Variants in TBC1D19 observed in about 807,000 individuals in gnomAD.
TBC1D19 encodes the protein TBC1 domain family member 19.
A neutral mutation model predicts 89.0 loss-of-function variants in TBC1D19; 60 were observed. The ratio of observed to expected loss-of-function variants is 0.67; its 90% CI spans 0.55 to 0.84. TBC1D19 has a LOEUF of 0.84. Ranked by LOEUF, TBC1D19 falls within the 40% of genes least tolerant of loss-of-function variation. The pLI, the probability that TBC1D19 is intolerant of heterozygous loss-of-function variation, is 0.00. For missense variants in TBC1D19, 500 were observed against 610.8 expected (o/e 0.82, Z 1.91); for synonymous variants, 189 against 199.7 (o/e 0.95, Z 0.45).
chr4:26,709,919 G>A (rs944333316), intron 13 of TBC1D19, among the ~76,000 whole-genome samples: 1 of 152,106 alleles, frequency 6.6e-6, no homozygotes, highest in South Asian at 2.1e-4. Flanking sequence ...CAGAGGCTTA[G>A]ATCCCAAGCC....
At chr4:26,787,109 T>G in the TBC1D19 span, among the ~76,000 whole-genome samples, 3 of 151,086 alleles carry the variant, frequency 2.0e-5, no homozygotes, top group African/African-American at 4.9e-5. Context: ...TAGTTTTTTT[T>G]TTTTTTTTTT....
chr4:26,794,678 T>A, the TBC1D19 span, among the ~76,000 whole-genome samples: 10 of 152,344 alleles, frequency 6.6e-5, no homozygotes, highest in African/African-American at 1.9e-4. Context: ...CCAGATGGTG[T>A]CATAGCTGAG....
At chr4:26,760,171 A>G (rs1411115370), downstream of TBC1D19, among the ~76,000 whole-genome samples, 1 of 152,216 alleles carries the variant, frequency 6.6e-6, no homozygotes, top group Non-Finnish European at 1.5e-5. Context: ...GTATTTTCCT[A>G]ATGATATTGA....
the TBC1D19 span, among the ~76,000 whole-genome samples, chr4:26,781,371 A>G: frequency 2.6e-5 from 4 of 152,118 alleles, no homozygotes; most frequent in Admixed American, 6.6e-5. Flanking sequence ...TAGTGATGTG[A>G]CCTTGGATGT....
chr4:26,809,254 T>C, the TBC1D19 span, among the ~76,000 whole-genome samples: 2 of 152,200 alleles, frequency 1.3e-5, no homozygotes, highest in African/African-American at 4.8e-5. Context: ...CTCTGTGCCC[T>C]GCAGACGCTT....
At chr4:26,695,887 C>T (rs565730126) in intron 13 of TBC1D19, among the ~76,000 whole-genome samples, 1 of 152,172 alleles carries the variant, frequency 6.6e-6, no homozygotes, top group African/African-American at 2.4e-5. Context: ...ACAAGCGGTA[C>T]CAGCCACTAT....
At chr4:26,580,242 T>C (rs916890637), upstream of TBC1D19, among the ~76,000 whole-genome samples, 1 of 152,060 alleles carries the variant, frequency 6.6e-6, no homozygotes, top group African/African-American at 2.4e-5. Context: ...GCCATTGTAA[T>C]GAGAGGTGGC....
chr4:26,705,625 T>C (rs1463637726), intron 13 of TBC1D19, among the ~76,000 whole-genome samples: 1 of 152,166 alleles, frequency 6.6e-6, no homozygotes, highest in African/African-American at 2.4e-5. Context: ...AGGTTTTATT[T>C]CTAGTTCTGT....
chr4:26,646,691 C>T (rs201842353), intron 7 of TBC1D19, among the ~76,000 whole-genome samples: 24 of 152,104 alleles, frequency 1.6e-4, no homozygotes, highest in Admixed American at 1.0e-3. Context: ...AGCAAACTAT[C>T]GCAAGAACAG....
At chr4:26,729,712 T>G (rs1346282748) in intron 15 of TBC1D19, among the ~76,000 whole-genome samples, 1 of 152,168 alleles carries the variant, frequency 6.6e-6, no homozygotes, top group East Asian at 1.9e-4. Context: ...GAGGCAGATG[T>G]AGCTCAGGTT....
At chr4:26,851,757 C>T in the TBC1D19 span, among the ~76,000 whole-genome samples, 2 of 152,084 alleles carry the variant, frequency 1.3e-5, no homozygotes, top group South Asian at 4.1e-4. Context: ...CACTCTGTTG[C>T]CCAGGCTGGA....
intron 15 of TBC1D19, among the ~76,000 whole-genome samples, chr4:26,731,332 C>T (rs1259095538): frequency 5.3e-5 from 8 of 151,784 alleles, no homozygotes; most frequent in East Asian, 3.9e-4. Flanking sequence ...GAAGGGGTGG[C>T]GATCAATTTG....
At chr4:26,797,885 A>C in the TBC1D19 span, among the ~76,000 whole-genome samples, 1 of 152,176 alleles carries the variant, frequency 6.6e-6, no homozygotes, top group African/African-American at 2.4e-5. Flanking sequence ...ACCATATATA[A>C]AAATTAACTC....
intron 7 of TBC1D19, among the ~76,000 whole-genome samples, chr4:26,656,530 T>C (rs920671425): frequency 6.6e-6 from 1 of 152,130 alleles, no homozygotes; most frequent in African/African-American, 2.4e-5. Flanking sequence ...CTACATTAAA[T>C]GGTATGTCAG....
At chr4:26,722,727 A>C (rs755144150) in intron 15 of TBC1D19, among the ~76,000 whole-genome samples, 1 of 152,208 alleles carries the variant, frequency 6.6e-6, no homozygotes, top group Non-Finnish European at 1.5e-5. Flanking sequence ...TTATAGCAGC[A>C]GCAGCAAACA....
chr4:26,599,902 C>T (rs1041043965), intron 1 of TBC1D19, among the ~76,000 whole-genome samples: 6 of 136,230 alleles, frequency 4.4e-5, no homozygotes, highest in Non-Finnish European at 7.6e-5. Flanking sequence ...GAGCTGAGAT[C>T]GCGCCACTGC....
Position 26,643,256 on chromosome 4 carries a change from A to G in TBC1D19, c.480+3069A>G, listed in dbSNP as rs146319049. 5.6e-3 allele frequency among the ~76,000 whole-genome samples: 854 copies of G among 152,316 alleles called. 10 individuals are homozygous for G. Among genetic ancestry groups the G allele is most frequent in the African/African-American group, 0.019 (808 of 41,570 alleles). ...CAGACCACAGTGCAATCAAATTAGA[A>G]CTCAGGATTAAGAAACTTACTCAAA... On this transcript the variant is annotated intron_variant, in intron 7 of 20. Transcript: ENST00000264866.
chr4:26,759,429 TTTAAG>T (rs556399569), downstream of TBC1D19, among the ~76,000 whole-genome samples: 85 of 152,314 alleles, frequency 5.6e-4, no homozygotes, highest in Non-Finnish European at 9.0e-4. Context: ...TTTTTTTTCA[TTTAAG>T]TTAACTTTAT....
At chr4:26,720,049 A>G (rs1377963288) in intron 14 of TBC1D19, 32 bp from the exon 15 acceptor site, 2 of 1,537,252 alleles carry the variant, frequency 1.3e-6, no homozygotes, top group Non-Finnish European at 1.8e-6. Flanking sequence ...TTACTTAATC[A>G]TATTGAAATC....
Sources: gnomAD v4.1 joint callset for allele counts (sites outside exome capture counted in the v4.1 genomes callset) on GRCh38, gnomAD v4.1.1 for gene constraint, MANE v1.5 for transcripts, NCBI Gene and HGNC (gene_info 2026-07-23, HGNC 2026-07-21) for gene names.